The following SDK2 variants were observed in gnomAD, a reference collection of about 807,000 sequenced individuals.
SDK2 encodes the protein sidekick cell adhesion molecule 2.
A neutral mutation model predicts 253.9 loss-of-function variants in SDK2; 105 were observed. The ratio of observed to expected loss-of-function variants is 0.41; its 90% CI spans 0.35 to 0.49. The LOEUF is 0.49. SDK2 is among the 20% of genes least tolerant of loss of function. The probability of loss-of-function intolerance (pLI) is 0.06; values close to 1 mark genes in which losing one functional copy is unlikely to be tolerated. For synonymous variants in SDK2, 1,249 were observed against 1,234.9 expected (o/e 1.01, Z -0.24); for missense variants, 2,608 against 3,003.0 (o/e 0.87, Z 3.07).
chr17:73,619,862 C>T (rs1034482108), intron 1 of SDK2, among the ~76,000 whole-genome samples: 2 of 152,090 alleles, frequency 1.3e-5, no homozygotes, highest in African/African-American at 2.4e-5. Flanking sequence ...TGTAATGAAA[C>T]CTTACAACTG....
At chr17:73,490,612 C>T (rs771374702) in intron 2 of SDK2, among the ~76,000 whole-genome samples, 15 of 146,152 alleles carry the variant, frequency 1.0e-4, no homozygotes, top group South Asian at 2.2e-4. Flanking sequence ...ACTGCAGCCT[C>T]GACCTCCTGG....
At chr17:73,429,065 G>A (rs1436162433) in intron 12 of SDK2, among the ~76,000 whole-genome samples, 1 of 152,146 alleles carries the variant, frequency 6.6e-6, no homozygotes, top group East Asian at 1.9e-4. Flanking sequence ...TGAATACAAT[G>A]TATGTCTTTC....
intron 1 of SDK2, among the ~76,000 whole-genome samples, chr17:73,603,707 C>T (rs2045871690): frequency 1.3e-5 from 2 of 152,238 alleles, no homozygotes; most frequent in South Asian, 4.1e-4. Flanking sequence ...ACATATTAGC[C>T]TTGCTTTAAA....
chr17:73,504,717 GGA>G (rs1460212016), intron 2 of SDK2, among the ~76,000 whole-genome samples: 1 of 93,648 alleles, frequency 1.1e-5, no homozygotes, highest in Non-Finnish European at 2.6e-5. Context: ...GGGCCCTGCA[GGA>G]GAAAAAAAAG....
intron 1 of SDK2, among the ~76,000 whole-genome samples, chr17:73,615,122 A>G (rs1016266776): frequency 1.3e-5 from 2 of 152,092 alleles, no homozygotes; most frequent in African/African-American, 4.8e-5. Context: ...TTATTTTTCA[A>G]CTCTTTGAAC....
chr17:73,587,788 C>G (rs2045622465), intron 1 of SDK2, among the ~76,000 whole-genome samples: 1 of 152,246 alleles, frequency 6.6e-6, no homozygotes, highest in African/African-American at 2.4e-5. Context: ...GAACTGGCTT[C>G]TCCTTTCCTA....
chr17:73,358,697 C>T (rs2062614361), intron 39 of SDK2, among the ~76,000 whole-genome samples: 3 of 152,056 alleles, frequency 2.0e-5, no homozygotes, highest in Admixed American at 2.0e-4. Flanking sequence ...AGTCCAGTTT[C>T]TCCCTCCTGG....
At position 73,379,375 on chromosome 17, in the gene SDK2, C is replaced by A. The variant is rs1207672274; in HGVS notation, c.4864+73G>T. 6.6e-7 allele frequency: 1 copy of A among 1,508,096 alleles called. No individual in the cohort carries two copies. Among genetic ancestry groups the A allele is most frequent in the East Asian group, 2.3e-5 (1 of 43,216 alleles). The allele number at this position is 1,508,096 out of a possible 1,614,324, so 93.4% of individuals were successfully genotyped here. ...GCTGGGCGGGATGGGGAGCCCAGAT[C>A]CCGTTTCTTCCAGCTGAACTGGGTG... is the stretch of plus-strand genomic sequence containing the variant. On this transcript the variant is annotated intron_variant, in intron 35 of 44. Coordinates refer to ENST00000392650, the MANE Select transcript of SDK2 (RefSeq NM_001144952.2). The surrounding 1 kb of genome is among the most constrained non-coding windows in gnomAD (Gnocchi z 4.5).
chr17:73,620,041 G>A (rs1197293584), intron 1 of SDK2, among the ~76,000 whole-genome samples: 2 of 151,932 alleles, frequency 1.3e-5, no homozygotes, highest in African/African-American at 2.4e-5. Flanking sequence ...TCTACAAAAC[G>A]TACAAAAATT....
At chr17:73,450,910 G>A (rs2063486128) in intron 4 of SDK2, among the ~76,000 whole-genome samples, 1 of 152,216 alleles carries the variant, frequency 6.6e-6, no homozygotes, top group South Asian at 2.1e-4. Flanking sequence ...TCTGTCCTAG[G>A]TAGAGTGTAT....
intron 40 of SDK2, among the ~76,000 whole-genome samples, chr17:73,355,174 A>ATATTTTTTTTTTTTTT: frequency 4.2e-5 from 2 of 47,224 alleles, no homozygotes; most frequent in Non-Finnish European, 6.7e-5. Flanking sequence ...ATATATATAT[A>ATATTTTTTTTTTTTTT]TTTTTTTTTT....
chr17:73,615,844 A>G (rs2046046504), intron 1 of SDK2, among the ~76,000 whole-genome samples: 2 of 152,214 alleles, frequency 1.3e-5, no homozygotes, highest in African/African-American at 4.8e-5. Flanking sequence ...AAATACACAT[A>G]CACACAATAA....
chr17:73,469,992 G>GCGCGCACACACACACACA, intron 3 of SDK2, among the ~76,000 whole-genome samples: 1 of 126,264 alleles, frequency 7.9e-6, no homozygotes, highest in East Asian at 2.6e-4. Flanking sequence ...GCGCGCGCGC[G>GCGCGCACACACACACACA]CACACACACA....
chr17:73,393,769 G>A lies in SDK2; in HGVS notation c.3709-20C>T, dbSNP rs1408034922. 3 of 1,534,630 alleles carry A rather than the reference G, an allele frequency of 2.0e-6. No individual in the cohort carries two copies. The highest frequency in any genetic ancestry group is 1.3e-5 in the South Asian group (1 of 78,458). On this transcript the variant is annotated intron_variant, in intron 26 of 44. Coordinates refer to ENST00000392650, the MANE Select transcript of SDK2 (RefSeq NM_001144952.2). The stretch of plus-strand genomic sequence containing the variant: ...CATCACCTGTCAGGGCCCAGCACAG[G>A]GTGAGGGCCTCAGGCCTGCATCTCA...
intron 1 of SDK2, among the ~76,000 whole-genome samples, chr17:73,551,026 G>A (rs1006151211): frequency 6.6e-6 from 1 of 152,178 alleles, no homozygotes; most frequent in Non-Finnish European, 1.5e-5. Flanking sequence ...CCAGCTGACC[G>A]GGGAGCCTGG....
chr17:73,573,994 C>G (rs940501999), intron 1 of SDK2, among the ~76,000 whole-genome samples: 1 of 152,242 alleles, frequency 6.6e-6, no homozygotes. Context: ...GTGCCACTCC[C>G]CAGACCTGCT....
intron 1 of SDK2, among the ~76,000 whole-genome samples, chr17:73,536,872 G>C (rs948538523): frequency 6.6e-6 from 1 of 152,106 alleles, no homozygotes; most frequent in Admixed American, 6.5e-5. Flanking sequence ...GTCTAATCTC[G>C]GCCTCCTGAG....
intron 3 of SDK2, 117 bp downstream of exon 3, chr17:73,471,995 G>A (rs2063654242): frequency 2.5e-5 from 18 of 724,138 alleles, no homozygotes; most frequent in Non-Finnish European, 3.5e-5. Context: ...GGCACCATGG[G>A]CACTCAGTGG....
rs780848004 is a variant in SDK2 at position 73,401,219 on chromosome 17, G to C, written c.2780-8C>G. 8.4e-6 allele frequency: 13 copies of C among 1,540,708 alleles called. No individual in the cohort carries two copies. Among genetic ancestry groups the C allele is most frequent in the Admixed American group, 4.0e-5 (2 of 50,528 alleles). ...CCCAGGAGATCCGGTACCCTGGGGA[G>C]AGCCGCCGTGTTGGCATGAGCTTGG... On this transcript the variant is annotated splice_region_variant and splice_polypyrimidine_tract_variant and intron_variant, in intron 20 of 44. Coordinates refer to ENST00000392650, the MANE Select transcript of SDK2 (RefSeq NM_001144952.2).
Sources: gnomAD v4.1 joint callset for allele counts (sites outside exome capture counted in the v4.1 genomes callset) on GRCh38, gnomAD v4.1.1 for gene constraint, Gnocchi (gnomAD v3.1) non-coding constraint, MANE v1.5 for transcripts, NCBI Gene and HGNC (gene_info 2026-07-23, HGNC 2026-07-21) for gene names.